Variants in ANAPC1 observed in about 807,000 individuals in gnomAD.
ANAPC1 encodes the protein anaphase promoting complex subunit 1, also known as anaphase-promoting complex subunit 1.
A neutral mutation model predicts 208.0 loss-of-function variants in ANAPC1; 36 were observed. That is an observed-to-expected ratio of 0.17 (90% CI 0.13 to 0.23). The LOEUF (loss-of-function observed/expected upper bound fraction) is 0.23. Ranked by LOEUF, ANAPC1 falls within the 10% of genes least tolerant of loss-of-function variation. The pLI, the probability that ANAPC1 is intolerant of heterozygous loss-of-function variation, is 1.00. For synonymous variants in ANAPC1, 378 were observed against 695.2 expected, an observed-to-expected ratio of 0.54 and a Z score of 7.18; for missense variants, 942 against 2,011.6, an observed-to-expected ratio of 0.47 and a Z score of 10.17.
At chr2:111,832,103 G>A (rs1680172659) in intron 20 of ANAPC1, among the ~76,000 whole-genome samples, 1 of 148,792 alleles carries the variant, frequency 6.7e-6, no homozygotes, top group African/African-American at 2.5e-5. Flanking sequence ...GGCCAGCCTG[G>A]CCAACATGGT....
rs368293608 is a variant in ANAPC1, at chr2:111,825,867, G to A, written c.2626-12C>T. ...TACAGTGCAATACTCTGCAAAGGAA[G>A]AAAATTAACATTATTTTTCTCTTTT... On this transcript the variant is annotated splice_polypyrimidine_tract_variant and intron_variant, in intron 21 of 47. Coordinates refer to ENST00000341068, the MANE Select transcript of ANAPC1 (RefSeq NM_022662.4). 52 of 1,600,042 alleles carry A rather than the reference G, an allele frequency of 3.2e-5. No individual in the cohort carries two copies. The African/African-American group carries it at 6.6e-4, about 20-fold the overall frequency.
intron 28 of ANAPC1, among the ~76,000 whole-genome samples, chr2:111,812,455 G>A (rs1341932207): frequency 3.4e-5 from 3 of 87,044 alleles, no homozygotes; most frequent in Non-Finnish European, 8.0e-5. Context: ...GAAAGTGGCC[G>A]AGAAAACATT....
At chr2:111,871,869 T>C (rs1682766810) in intron 6 of ANAPC1, among the ~76,000 whole-genome samples, 1 of 152,224 alleles carries the variant, frequency 6.6e-6, no homozygotes, top group Non-Finnish European at 1.5e-5. Context: ...TGAATTTATT[T>C]ATCAAATCTA....
chr2:111,772,306 G>A (rs1676784015), intron 47 of ANAPC1, 35 bp downstream of exon 47: 2 of 1,613,776 alleles, frequency 1.2e-6, no homozygotes, highest in South Asian at 2.2e-5. Context: ...GTAGGTAACA[G>A]AGTTACTGAA....
chr2:111,819,294 C>G (rs1274831137), intron 26 of ANAPC1: 50 of 979,486 alleles, frequency 5.1e-5, no homozygotes, highest in Non-Finnish European at 6.0e-5. Flanking sequence ...CTAACCTTCT[C>G]AAAGGAAAAT....
At position 111,772,441 on chromosome 2, in the gene ANAPC1, G is replaced by A. The variant is rs1315911234; in HGVS notation, c.5619C>T (p.Ser1873=). Reference sequence around the variant, plus strand: ...GCTGTGATTCCTCCAAGGGCTGCCCGCTGAGGTAGGCGTGCACACACATAT... The same window carrying A: ...GCTGTGATTCCTCCAAGGGCTGCCCACTGAGGTAGGCGTGCACACACATAT... ...GGDMCVHAYL[S]GQPLEESQLS... The change falls in exon 47 of 48, where the codon AGC becomes AGT. Residue 1873 remains serine (S), a synonymous_variant. Transcript: ENST00000341068. 7.6e-6 allele frequency: 12 copies of A among 1,577,410 alleles called. No individual in the cohort carries two copies. The highest frequency in any genetic ancestry group is 1.7e-4 in the Middle Eastern group (1 of 5,910).
chr2:111,821,283 G>A lies in ANAPC1; in HGVS notation c.3162C>T (p.Tyr1054=), dbSNP rs149905694. The change falls in exon 26 of 48, where the codon TAC becomes TAT. Residue 1054 remains tyrosine (Y), a synonymous_variant. Transcript: ENST00000341068. The part of the protein sequence containing the change: ...AHPVRVNVVQ[Y]PELSDHEFIE... ...TGAACTCGTGGTCACTGAGCTCTGG[G>A]TACTGCACTACGTTGACACGGACAG... 5.6e-3 allele frequency: 8,984 copies of A among 1,612,392 alleles called. 25 individuals carry two copies. The highest frequency in any genetic ancestry group is 8.3e-3 in the Middle Eastern group (40 of 4,812).
At chr2:111,775,258 C>T (rs1676945484) in intron 46 of ANAPC1, among the ~76,000 whole-genome samples, 1 of 152,164 alleles carries the variant, frequency 6.6e-6, no homozygotes. Context: ...GAGCGAGACT[C>T]TGTCTCAAAG....
intron 46 of ANAPC1, 35 bp from the exon 47 acceptor site, chr2:111,772,510 T>G: frequency 2.1e-6 from 2 of 932,376 alleles, no homozygotes; most frequent in South Asian, 3.4e-5. Flanking sequence ...AACCAACTGA[T>G]GACAGAACTG....
At chr2:111,859,987 G>A in intron 10 of ANAPC1, among the ~76,000 whole-genome samples, 1 of 152,232 alleles carries the variant, frequency 6.6e-6, no homozygotes, top group Middle Eastern at 3.4e-3. Context: ...TATAAAACTT[G>A]TATTGTGGTT....
At chr2:111,868,996 G>A (rs772974046) in intron 6 of ANAPC1, among the ~76,000 whole-genome samples, 2 of 152,070 alleles carry the variant, frequency 1.3e-5, no homozygotes, top group African/African-American at 4.8e-5. Context: ...GCTGCCCTTC[G>A]GTGTGCTCAT....
Position 111,863,657 on chromosome 2 carries a change from A to T in ANAPC1, c.1052+18T>A. 2 of 1,599,502 alleles carry T rather than the reference A, an allele frequency of 1.3e-6. No homozygotes were observed. The highest frequency in any genetic ancestry group is 4.5e-5 in the East Asian group (2 of 44,768). ...CAAAACAGAAAGCTTAGAAAGAAAA[A>T]CCAGGAAACCCTTATACCTTAGAGC... On this transcript the variant is annotated intron_variant, in intron 9 of 47. Coordinates refer to ENST00000341068, the MANE Select transcript of ANAPC1 (RefSeq NM_022662.4).
intron 16 of ANAPC1, among the ~76,000 whole-genome samples, chr2:111,845,696 C>T (rs908197370): frequency 4.6e-5 from 7 of 152,000 alleles, no homozygotes; most frequent in Non-Finnish European, 8.8e-5. Flanking sequence ...CTTTTAGAGC[C>T]GGGCGCGGTG....
chr2:111,782,731 G>T (rs1026149482), intron 42 of ANAPC1, among the ~76,000 whole-genome samples: 6 of 152,192 alleles, frequency 3.9e-5, no homozygotes, highest in African/African-American at 1.2e-4. Flanking sequence ...GTTAAATGAG[G>T]AGGCACTTTG....
At chr2:111,836,337 TTTAAAAGAAATTAAATTAAA>T (rs1680465306) in intron 18 of ANAPC1, among the ~76,000 whole-genome samples, 1 of 151,768 alleles carries the variant, frequency 6.6e-6, no homozygotes, top group South Asian at 2.1e-4. Context: ...TGAATTTTAA[TTTAAAAGAAATTAAATTAAA>T]TTAAAAGAAA....
intron 46 of ANAPC1, among the ~76,000 whole-genome samples, chr2:111,773,371 G>C (rs1386084719): frequency 6.6e-6 from 1 of 152,244 alleles, no homozygotes; most frequent in South Asian, 2.1e-4. Flanking sequence ...TGAGGATAAA[G>C]TCATGGCACA....
At chr2:111,842,519 T>C (rs577608717) in intron 17 of ANAPC1, among the ~76,000 whole-genome samples, 2 of 151,992 alleles carry the variant, frequency 1.3e-5, no homozygotes, top group East Asian at 3.9e-4. Flanking sequence ...GGCGGGCGCC[T>C]GTAGTCCTGG....
At chr2:111,877,536 G>A (rs1446538506) in intron 3 of ANAPC1, among the ~76,000 whole-genome samples, 3 of 152,172 alleles carry the variant, frequency 2.0e-5, no homozygotes, top group Non-Finnish European at 4.4e-5. Flanking sequence ...CAGCACTTTG[G>A]GAGGCCGAGG....
At chr2:111,824,023 G>A (rs1228609598) in intron 24 of ANAPC1, among the ~76,000 whole-genome samples, 1 of 149,544 alleles carries the variant, frequency 6.7e-6, no homozygotes, top group African/African-American at 2.4e-5. Context: ...ATTAAATCAT[G>A]TTTTTCTTAT....
Sources: allele counts gnomAD v4.1 joint callset (sites outside exome capture counted in the v4.1 genomes callset), GRCh38; gene constraint gnomAD v4.1.1; transcripts MANE v1.5; gene names NCBI Gene and HGNC (gene_info 2026-07-23, HGNC 2026-07-21).